The following PIGX variants were observed in gnomAD, a reference collection of about 807,000 sequenced individuals.
PIGX encodes the protein phosphatidylinositol glycan anchor biosynthesis class X.
In PIGX, 24 loss-of-function variants were observed where a neutral mutation model predicts 28.7. The ratio of observed to expected loss-of-function variants is 0.84; its 90% CI spans 0.60 to 1.17. The LOEUF (loss-of-function observed/expected upper bound fraction) is 1.17, where lower values mean the gene tolerates loss of function less well. Ranked by LOEUF, PIGX falls within the 50% of genes most tolerant of loss-of-function variation. The pLI, the probability that PIGX is intolerant of heterozygous loss-of-function variation, is 0.00. For synonymous variants in PIGX, 127 were observed against 121.0 expected (o/e 1.05, Z -0.33); for missense variants, 305 against 317.8 (o/e 0.96, Z 0.31).
At chr3:196,732,259 T>A (rs866366550) in intron 5 of PIGX, among the ~76,000 whole-genome samples, 3,014 of 39,792 alleles carry the variant, frequency 0.076, 45 homozygotes, top group Non-Finnish European at 0.096. Flanking sequence ...TATATATATT[T>A]TATTTTATTT....
chr3:196,717,938 A>T (rs1712165256), intron 2 of PIGX: 1 of 152,198 alleles, frequency 6.6e-6, no homozygotes. Context: ...AACTTGCCCA[A>T]ACTGAAGCTT....
chr3:196,732,370 C>T (rs1297470881), intron 5 of PIGX, among the ~76,000 whole-genome samples: 6 of 147,600 alleles, frequency 4.1e-5, no homozygotes, highest in African/African-American at 1.5e-4. Flanking sequence ...CAACCTCCGC[C>T]TCCCGGGTTC....
At chr3:196,713,720 C>T (rs1270216088) in intron 1 of PIGX, among the ~76,000 whole-genome samples, 4 of 151,608 alleles carry the variant, frequency 2.6e-5, no homozygotes, top group South Asian at 2.1e-4. Flanking sequence ...CCCTGTAGTC[C>T]CAGCTACTCA....
chr3:196,714,065 T>C (rs2108673157), intron 1 of PIGX, among the ~76,000 whole-genome samples: 2 of 152,326 alleles, frequency 1.3e-5, no homozygotes, highest in South Asian at 4.1e-4. Context: ...TACATACCAG[T>C]AGAATTTAAG....
rs182366979 is a variant in PIGX at position 196,731,020 on chromosome 3, C to A, written c.561C>A (p.His187Gln). Reference sequence around the variant, plus strand: ...TCCCGATTTTGAAATGCTGGGCTCACTCAGAAGTGGCAGCCCCTTGTGCTT... The same window carrying A: ...TCCCGATTTTGAAATGCTGGGCTCAATCAGAAGTGGCAGCCCCTTGTGCTT... Residue 187 changes from histidine to glutamine, a missense_variant, in exon 5 of 6, where the codon CAC (histidine) becomes CAA (glutamine). Physicochemically the swap from His to Gln is conservative, Grantham distance 24. Transcript: ENST00000392391. The A allele has an allele frequency of 6.2e-7, 1 of 1,611,472 alleles. No homozygotes were observed. The highest frequency in any genetic ancestry group is 8.5e-7 in the Non-Finnish European group (1 of 1,177,816).
intron 2 of PIGX, among the ~76,000 whole-genome samples, chr3:196,720,223 C>T (rs956230525): frequency 6.6e-6 from 1 of 152,248 alleles, no homozygotes; most frequent in African/African-American, 2.4e-5. Flanking sequence ...ACTCATTCCT[C>T]CTCCTCCCAG....
chr3:196,723,590 T>G (rs1033507226), intron 3 of PIGX, among the ~76,000 whole-genome samples: 1 of 151,520 alleles, frequency 6.6e-6, no homozygotes, highest in African/African-American at 2.4e-5. Context: ...GGCCCCAAAA[T>G]CTGGTTTGAA....
At chr3:196,712,815 C>T (rs529943551) in intron 1 of PIGX, 171 bp downstream of exon 1, 1 of 1,103,316 alleles carries the variant, frequency 9.1e-7, no homozygotes. Flanking sequence ...GTGCGCTTTG[C>T]TCTGCGGCGG....
chr3:196,733,935 A>G lies in PIGX; in HGVS notation c.*33A>G, dbSNP rs545200750. 6.8e-6 allele frequency: 9 copies of G among 1,318,940 alleles called. No homozygotes were observed. In the East Asian group the frequency reaches 1.6e-4, roughly 24 times the overall value. The allele number at this position is 1,318,940 out of a possible 1,614,324, so 81.7% of individuals were successfully genotyped here. A position where few individuals can be genotyped will look rare whatever the true frequency, so the allele number is the denominator to read the frequency against. ...GTAGTTAAATGCTTCCTAGAAACCT[A>G]AATAAGATCTATTAATTTCTGACGA... is the stretch of plus-strand genomic sequence containing the variant. On this transcript the variant is annotated 3_prime_UTR_variant, in exon 6 of 6. Coordinates refer to ENST00000392391, the MANE Select transcript of PIGX (RefSeq NM_017861.4). This position sits in a 1 kb window ranked among gnomAD's most constrained non-coding sequence, Gnocchi z 4.3.
In PIGX at chr3:196,733,981, A is replaced by G; in HGVS notation, c.*79A>G. The stretch of plus-strand genomic sequence containing the variant: ...GACGAGAGGTGTTCTTCTAGAATTA[A>G]TTACTTTTATCTTTTGTCTTCATTT... On this transcript the variant is annotated 3_prime_UTR_variant, in exon 6 of 6. Coordinates refer to ENST00000392391, the MANE Select transcript of PIGX (RefSeq NM_017861.4). This position sits in a 1 kb window ranked among gnomAD's most constrained non-coding sequence, Gnocchi z 4.3. 3.2e-6 allele frequency: 3 copies of G among 929,486 alleles called. No homozygotes were observed. The highest frequency in any genetic ancestry group is 5.1e-6 in the Non-Finnish European group (3 of 593,054). The allele number at this position is 929,486 out of a possible 1,614,324, so 57.6% of individuals were successfully genotyped here.
chr3:196,732,233 TATATATATATATATA>T (rs1560080515), intron 5 of PIGX, among the ~76,000 whole-genome samples: 5 of 56,122 alleles, frequency 8.9e-5, no homozygotes, highest in African/African-American at 3.2e-4. Context: ...TATATATATA[TATATATATATATATA>T]TATATATATT....
In PIGX at chr3:196,716,840, A is replaced by G; in HGVS notation, c.113-18A>G. On this transcript the variant is annotated intron_variant, in intron 1 of 5. Coordinates refer to ENST00000392391, the MANE Select transcript of PIGX (RefSeq NM_017861.4). ...TCAGTGCTTTTGTTTTTAAAAAAAA[A>G]TCGTTTGGTTCTTATAGGCATAAGG... is the stretch of plus-strand genomic sequence containing the variant. 2 of 1,449,026 alleles carry G rather than the reference A, an allele frequency of 1.4e-6. No homozygotes were observed. The highest frequency in any genetic ancestry group is 1.4e-5 in the South Asian group (1 of 74,046). The allele number at this position is 1,449,026 out of a possible 1,614,324, so 89.8% of individuals were successfully genotyped here.
rs1484563411 is a variant in PIGX, at chr3:196,724,828, TATA to T, written c.318+2277_318+2279del. Among the ~76,000 whole-genome samples the T allele has an allele frequency of 7.9e-5, 12 of 152,322 alleles. No homozygotes were observed. The East Asian group carries it at 2.3e-3, about 29-fold the overall frequency. On this transcript the variant is annotated intron_variant, in intron 3 of 5. Coordinates refer to ENST00000392391, the MANE Select transcript of PIGX (RefSeq NM_017861.4). Reference sequence around the variant, plus strand: ...AACTTTGTTATGCTAAGTGTTATTATATAATAAGTGTAACTGGGTAGAAGGAAT... The same window carrying T: ...AACTTTGTTATGCTAAGTGTTATTATATAAGTGTAACTGGGTAGAAGGAAT...
Position 196,733,728 on chromosome 3 carries a change from C to A in PIGX, c.634-31C>A, listed in dbSNP as rs115109999. On this transcript the variant is annotated intron_variant, in intron 5 of 5. Coordinates refer to ENST00000392391, the MANE Select transcript of PIGX (RefSeq NM_017861.4). This position sits in a 1 kb window ranked among gnomAD's most constrained non-coding sequence, Gnocchi z 4.3. ...ACACCGGGCCCATGACATGCATTTT[C>A]AATGTCTAACTTCTCTCTCTCTCTC... 2,921 of 1,558,902 alleles carry A rather than the reference C, an allele frequency of 1.9e-3. 44 individuals are homozygous for A. The African/African-American group carries it at 0.035, about 19-fold the overall frequency.
At chr3:196,726,045 A>G (rs948938029) in intron 3 of PIGX, among the ~76,000 whole-genome samples, 3 of 152,178 alleles carry the variant, frequency 2.0e-5, no homozygotes, top group African/African-American at 7.2e-5. Context: ...GGGGGGAAAA[A>G]TGACCTATAA....
At chr3:196,715,690 G>A (rs910444288) in intron 1 of PIGX, among the ~76,000 whole-genome samples, 6 of 152,142 alleles carry the variant, frequency 3.9e-5, no homozygotes, top group Admixed American at 3.3e-4. Context: ...TTTGGGGTTT[G>A]TTTGTTTGTT....
At chr3:196,715,999 C>G (rs1712083050) in intron 1 of PIGX, among the ~76,000 whole-genome samples, 1 of 152,100 alleles carries the variant, frequency 6.6e-6, no homozygotes. Flanking sequence ...AAGATGCTTA[C>G]ATTGAGTAAT....
intron 2 of PIGX, among the ~76,000 whole-genome samples, chr3:196,717,300 C>CAAATAAAAAAAAAAAAAA (rs1712138181): frequency 8.3e-6 from 1 of 120,906 alleles, no homozygotes; most frequent in Admixed American, 8.8e-5. Context: ...GACTCTGTCT[C>CAAATAAAAAAAAAAAAAA]AAAAAAAGAA....
chr3:196,722,644 AT>A, intron 3 of PIGX, 88 bp downstream of exon 3: 2 of 1,164,364 alleles, frequency 1.7e-6, no homozygotes, highest in Non-Finnish European at 2.5e-6. Flanking sequence ...TTTTCTTTTC[AT>A]TTTGTTAAAG....
Sources: allele counts gnomAD v4.1 joint callset (sites outside exome capture counted in the v4.1 genomes callset), GRCh38; gene constraint gnomAD v4.1.1; non-coding constraint Gnocchi (gnomAD v3.1); transcripts MANE v1.5; gene names NCBI Gene and HGNC (gene_info 2026-07-23, HGNC 2026-07-21).